The following PRKD1 variants were observed in gnomAD, a reference collection of about 807,000 sequenced individuals.
The protein encoded by PRKD1 is protein kinase D1.
PRKD1 carries 63 observed loss-of-function variants against 95.9 expected under a neutral mutation model. That is an observed-to-expected ratio of 0.66 (90% CI 0.54 to 0.81). PRKD1 has a LOEUF of 0.81. Among genes scored for constraint, PRKD1 ranks in the 30% least tolerant of loss-of-function variants. The probability of loss-of-function intolerance (pLI) is 0.00; values close to 1 mark genes in which losing one functional copy is unlikely to be tolerated. For missense variants in PRKD1, 1,048 were observed against 1,165.3 expected, an observed-to-expected ratio of 0.90 and a Z score of 1.47; for synonymous variants, 425 against 423.1, an observed-to-expected ratio of 1.00 and a Z score of -0.05.
At chr14:29,736,246 C>T (rs1305363404) in intron 1 of PRKD1, among the ~76,000 whole-genome samples, 1 of 152,168 alleles carries the variant, frequency 6.6e-6, no homozygotes, top group African/African-American at 2.4e-5. Context: ...TAAAAATATG[C>T]ATATTGGTCT....
chr14:29,740,501 T>C (rs1278986387), intron 1 of PRKD1, among the ~76,000 whole-genome samples: 1 of 152,206 alleles, frequency 6.6e-6, no homozygotes, highest in East Asian at 1.9e-4. Context: ...AGCTAGTCTC[T>C]TGAATTTTAC....
intron 1 of PRKD1, among the ~76,000 whole-genome samples, chr14:29,896,207 A>C (rs190856872): frequency 2.0e-5 from 3 of 152,344 alleles, no homozygotes; most frequent in Admixed American, 2.0e-4. Flanking sequence ...TTAGATGAGA[A>C]AAGAGAACTA....
chr14:29,591,621 C>T (rs1028780969), intron 16 of PRKD1, among the ~76,000 whole-genome samples: 8 of 152,166 alleles, frequency 5.3e-5, no homozygotes, highest in African/African-American at 1.9e-4. Context: ...AGATCTATAG[C>T]TAGGCCATGA....
intron 2 of PRKD1, among the ~76,000 whole-genome samples, chr14:29,676,968 T>C (rs549446051): frequency 6.6e-6 from 1 of 152,218 alleles, no homozygotes; most frequent in South Asian, 2.1e-4. Context: ...ACCGGCTACA[T>C]TCAAGTTCTC....
intron 4 of PRKD1, among the ~76,000 whole-genome samples, chr14:29,647,776 G>T (rs551349343): frequency 6.6e-6 from 1 of 152,306 alleles, no homozygotes; most frequent in East Asian, 1.9e-4. Context: ...GGGCCGGAGA[G>T]ACCAAATAGG....
intron 2 of PRKD1, among the ~76,000 whole-genome samples, chr14:29,685,503 G>A (rs975807468): frequency 2.0e-5 from 3 of 152,154 alleles, no homozygotes; most frequent in African/African-American, 7.2e-5. Flanking sequence ...TAGGATAAGA[G>A]GAGCATATTA....
chr14:29,596,090 A>G (rs1893292073), intron 16 of PRKD1, among the ~76,000 whole-genome samples: 1 of 152,170 alleles, frequency 6.6e-6, no homozygotes, highest in Admixed American at 6.5e-5. Context: ...TCCACCTATG[A>G]TTTACAACTA....
intron 1 of PRKD1, among the ~76,000 whole-genome samples, chr14:29,913,106 CT>C (rs1036963741): frequency 6.6e-6 from 1 of 152,138 alleles, no homozygotes; most frequent in African/African-American, 2.4e-5. Context: ...TGTTAGTTGT[CT>C]TTTCATTTTT....
At chr14:29,685,991 C>T (rs1883842155) in intron 2 of PRKD1, among the ~76,000 whole-genome samples, 1 of 152,150 alleles carries the variant, frequency 6.6e-6, no homozygotes, top group Non-Finnish European at 1.5e-5. Context: ...CAAAAACGCA[C>T]ATATAATATC....
chr14:29,846,559 G>T (rs1892085330), intron 1 of PRKD1, among the ~76,000 whole-genome samples: 1 of 152,182 alleles, frequency 6.6e-6, no homozygotes. Flanking sequence ...GCCAGGTGCT[G>T]GGCCATGCAG....
At chr14:29,676,490 G>T (rs1022025711) in intron 2 of PRKD1, among the ~76,000 whole-genome samples, 10 of 152,156 alleles carry the variant, frequency 6.6e-5, no homozygotes, top group Non-Finnish European at 1.2e-4. Context: ...GAATAGCTGG[G>T]TTTACAGGCA....
chr14:29,869,047 C>G (rs768073457), intron 1 of PRKD1, among the ~76,000 whole-genome samples: 1 of 152,104 alleles, frequency 6.6e-6, no homozygotes, highest in Non-Finnish European at 1.5e-5. Flanking sequence ...AAAACATAAT[C>G]CTAAATTCTA....
intron 1 of PRKD1, among the ~76,000 whole-genome samples, chr14:29,734,297 C>T (rs185831403): frequency 1.6e-3 from 244 of 152,180 alleles, no homozygotes; most frequent in African/African-American, 5.4e-3. Flanking sequence ...GCCTTGGCCT[C>T]CCAAAGTGCT....
chr14:29,714,905 C>T (rs893602624), intron 2 of PRKD1, among the ~76,000 whole-genome samples: 3 of 151,978 alleles, frequency 2.0e-5, no homozygotes, highest in Non-Finnish European at 4.4e-5. Flanking sequence ...GGGAGTTGAA[C>T]AGTGAGAACA....
At chr14:29,620,807 C>T (rs1416170476) in intron 13 of PRKD1, among the ~76,000 whole-genome samples, 1 of 151,932 alleles carries the variant, frequency 6.6e-6, no homozygotes, top group Non-Finnish European at 1.5e-5. Context: ...ACCATTTGAC[C>T]CAGCCATCCC....
At chr14:29,762,103 T>C (rs1182946593) in intron 1 of PRKD1, among the ~76,000 whole-genome samples, 2 of 151,978 alleles carry the variant, frequency 1.3e-5, no homozygotes, top group Non-Finnish European at 2.9e-5. Flanking sequence ...TGAAAGAAGA[T>C]GGGGGAAGAA....
At chr14:29,855,077 G>A (rs1220521915) in intron 1 of PRKD1, among the ~76,000 whole-genome samples, 1 of 152,222 alleles carries the variant, frequency 6.6e-6, no homozygotes, top group African/African-American at 2.4e-5. Flanking sequence ...TAGTGTGGAA[G>A]GGAAATGTGG....
At chr14:29,818,165 T>C (rs1890767396) in intron 1 of PRKD1, among the ~76,000 whole-genome samples, 2 of 152,210 alleles carry the variant, frequency 1.3e-5, no homozygotes, top group Admixed American at 1.3e-4. Flanking sequence ...GAGAAGCATA[T>C]TGTAAGCAAG....
chr14:29,631,079 A>AAAATTCAT (rs1390958294), intron 9 of PRKD1, 58 bp from the exon 10 acceptor site: 14 of 1,454,988 alleles, frequency 9.6e-6, no homozygotes, highest in Non-Finnish European at 1.1e-5. Flanking sequence ...ACTTTCAAAG[A>AAAATTCAT]AAATTCATGC....
Sources: gnomAD v4.1 joint callset for allele counts (sites outside exome capture counted in the v4.1 genomes callset) on GRCh38, gnomAD v4.1.1 for gene constraint, MANE v1.5 for transcripts, NCBI Gene and HGNC (gene_info 2026-07-23, HGNC 2026-07-21) for gene names.